LIN9: variants seen among roughly 807,000 people sequenced by gnomAD.
The protein encoded by LIN9 is lin-9 DREAM MuvB core complex component.
A neutral mutation model predicts 78.0 loss-of-function variants in LIN9; 18 were observed. The ratio of observed to expected loss-of-function variants is 0.23; its 90% CI spans 0.16 to 0.34. LIN9 has a LOEUF of 0.34. Among genes scored for constraint, LIN9 ranks in the 10% least tolerant of loss-of-function variants. LIN9 has a pLI of 1.00. For missense variants in LIN9, 451 were observed against 644.1 expected (o/e 0.70, Z 3.25); for synonymous variants, 192 against 215.2 (o/e 0.89, Z 0.94).
chr1:226,279,681 G>T (rs1345155243), intron 6 of LIN9, among the ~76,000 whole-genome samples: 1 of 149,342 alleles, frequency 6.7e-6, no homozygotes, highest in African/African-American at 2.5e-5. Context: ...AGGCTGAGGC[G>T]GGAGGATTGT....
chr1:226,269,910 T>G (rs1169740685), intron 7 of LIN9, among the ~76,000 whole-genome samples: 1 of 152,142 alleles, frequency 6.6e-6, no homozygotes, highest in Non-Finnish European at 1.5e-5. Flanking sequence ...TTCAAATCAT[T>G]AGGTGACCAC....
At chr1:226,283,027 G>A (rs1661165295) in intron 6 of LIN9, among the ~76,000 whole-genome samples, 1 of 152,114 alleles carries the variant, frequency 6.6e-6, no homozygotes, top group African/African-American at 2.4e-5. Flanking sequence ...GGCAATCACA[G>A]CTCACTGCAG....
At chr1:226,244,768 T>A (rs756445847) in intron 11 of LIN9, among the ~76,000 whole-genome samples, 2 of 152,218 alleles carry the variant, frequency 1.3e-5, no homozygotes, top group Non-Finnish European at 2.9e-5. Flanking sequence ...GTGATGAACA[T>A]CCTTGTATGC....
chr1:226,241,057 G>A (rs943728209), intron 11 of LIN9, among the ~76,000 whole-genome samples: 2 of 152,166 alleles, frequency 1.3e-5, no homozygotes, highest in African/African-American at 2.4e-5. Context: ...AGAAAGAGGG[G>A]AGGGAATGCC....
At chr1:226,300,437 G>C (rs1341309508) in intron 2 of LIN9, among the ~76,000 whole-genome samples, 1 of 152,080 alleles carries the variant, frequency 6.6e-6, no homozygotes, top group Non-Finnish European at 1.5e-5. Context: ...TGTGGTCCCA[G>C]CTACATGGGA....
At chr1:226,248,086 C>T (rs923468081) in intron 11 of LIN9, among the ~76,000 whole-genome samples, 3 of 152,158 alleles carry the variant, frequency 2.0e-5, no homozygotes, top group African/African-American at 7.2e-5. Context: ...ACCTAGTCTA[C>T]TCTTACCAAA....
intron 10 of LIN9, among the ~76,000 whole-genome samples, chr1:226,262,219 G>A (rs1659635803): frequency 6.6e-6 from 1 of 152,150 alleles, no homozygotes; most frequent in Admixed American, 6.5e-5. Flanking sequence ...TTGGTTTTGT[G>A]ACAACCAACT....
intron 7 of LIN9, among the ~76,000 whole-genome samples, chr1:226,277,571 T>C (rs1333560535): frequency 2.0e-5 from 3 of 152,164 alleles, no homozygotes; most frequent in Admixed American, 2.0e-4. Context: ...AAGTGATGTG[T>C]ACTACAGAAC....
chr1:226,279,719 G>A (rs1486787032), intron 6 of LIN9, among the ~76,000 whole-genome samples: 1 of 141,102 alleles, frequency 7.1e-6, no homozygotes, highest in Non-Finnish European at 1.5e-5. Context: ...AAGTTGTAGT[G>A]AGCCGAGATT....
At chr1:226,305,663 A>G (rs1662869193) in intron 1 of LIN9, among the ~76,000 whole-genome samples, 1 of 152,036 alleles carries the variant, frequency 6.6e-6, no homozygotes, top group African/African-American at 2.4e-5. Flanking sequence ...ATGTGCAAAG[A>G]CCCTGGAGAA....
Position 226,231,184 on chromosome 1 carries a change from A to G in LIN9, c.*1317T>C, listed in dbSNP as rs1161182808. 5 of 152,622 alleles carry G rather than the reference A, an allele frequency of 3.3e-5. No homozygotes were observed. The highest frequency in any genetic ancestry group is 5.9e-5 in the Non-Finnish European group (4 of 68,030). 9.5% of individuals were successfully genotyped at this position (152,622 alleles called of 1,614,324 possible). On this transcript the variant is annotated 3_prime_UTR_variant, in exon 15 of 15. Transcript: ENST00000681046. ...ATTTTCATAGATCAATTTATTTAGA[A>G]TTACAAATATTAAGAATAGAAGATT...
Position 226,265,623 on chromosome 1 carries a change from AG to A in LIN9, c.947del (p.Pro316LeufsTer3). The part of the protein sequence containing the change: ...PLQSPIIDND[P>X]LLGQSPWRSK... ...TTCTCCACGGCGACTGTCCTAATAAAGGATCATTATCCTATGGGAATAAAAA... is the reference window on the plus strand; with the variant it reads ...TTCTCCACGGCGACTGTCCTAATAAAGATCATTATCCTATGGGAATAAAAA... On this transcript the variant is annotated frameshift_variant, in exon 10 of 15. Coordinates refer to ENST00000681046, the MANE Select transcript of LIN9 (RefSeq NM_001366245.2). LOFTEE classifies it high-confidence loss of function. This position sits in a 1 kb window ranked among gnomAD's most constrained non-coding sequence, Gnocchi z 4.1. 1 of 1,576,976 alleles carries A rather than the reference AG, an allele frequency of 6.3e-7. No homozygotes were observed. Among genetic ancestry groups the A allele is most frequent in the Non-Finnish European group, 8.7e-7 (1 of 1,146,778 alleles).
At chr1:226,251,620 C>T (rs1156697373) in intron 10 of LIN9, among the ~76,000 whole-genome samples, 2 of 152,170 alleles carry the variant, frequency 1.3e-5, no homozygotes, top group Admixed American at 6.5e-5. Context: ...TCTTGGCCTC[C>T]CAAACTGCTG....
rs765078422 is a variant in LIN9 at position 226,239,059 on chromosome 1, C to T, written c.1157G>A (p.Arg386Gln). Residue 386 changes from arginine (R) to glutamine (Q), a missense_variant, in exon 12 of 15, where the codon CGG (arginine) becomes CAG (glutamine). Coordinates refer to ENST00000681046, the MANE Select transcript of LIN9 (RefSeq NM_001366245.2). Reference sequence around the variant, plus strand: ...CTCCAGAACAATTGTTGCATATCTCCGCTGAAATTCAATGCTGATGGGCAT... The same window carrying T: ...CTCCAGAACAATTGTTGCATATCTCTGCTGAAATTCAATGCTGATGGGCAT... ...YSMPISIEFQ[R>Q]RYATIVLELE... 2.2e-5 allele frequency: 35 copies of T among 1,613,480 alleles called. No individual in the cohort carries two copies. The highest frequency in any genetic ancestry group is 5.0e-5 in the Admixed American group (3 of 59,902).
intron 11 of LIN9, among the ~76,000 whole-genome samples, chr1:226,249,441 A>C (rs879071061): frequency 6.6e-6 from 1 of 152,232 alleles, no homozygotes; most frequent in Non-Finnish European, 1.5e-5. Flanking sequence ...TGTACTGCTA[A>C]AGAGAGCAGT....
intron 1 of LIN9, chr1:226,308,837 A>T (rs1281526237): frequency 1.6e-5 from 4 of 248,494 alleles, no homozygotes; most frequent in Admixed American, 5.6e-5. Context: ...GCGCCAGGGG[A>T]GCAGCCACCG....
Position 226,232,490 on chromosome 1 carries a change from G to C in LIN9, c.*11C>G, listed in dbSNP as rs1426763703. 4 of 1,578,456 alleles carry C rather than the reference G, an allele frequency of 2.5e-6. No individual in the cohort carries two copies. Among genetic ancestry groups the C allele is most frequent in the African/African-American group, 1.3e-5 (1 of 74,204 alleles). Reference sequence around the variant, plus strand: ...CAATGTCCCGTGCAGTTGGAATAATGAAATCTTTACTCAGTCTCTGTTGGT... The same window carrying C: ...CAATGTCCCGTGCAGTTGGAATAATCAAATCTTTACTCAGTCTCTGTTGGT... On this transcript the variant is annotated 3_prime_UTR_variant, in exon 15 of 15. Coordinates refer to ENST00000681046, the MANE Select transcript of LIN9 (RefSeq NM_001366245.2).
At chr1:226,252,067 C>T (rs1251794728) in intron 10 of LIN9, among the ~76,000 whole-genome samples, 1 of 152,032 alleles carries the variant, frequency 6.6e-6, no homozygotes, top group Non-Finnish European at 1.5e-5. Flanking sequence ...CCACCCTCAG[C>T]TTCCCAAGTA....
At chr1:226,301,949 G>A (rs1315317310) in intron 1 of LIN9, among the ~76,000 whole-genome samples, 1 of 152,172 alleles carries the variant, frequency 6.6e-6, no homozygotes, top group Non-Finnish European at 1.5e-5. Flanking sequence ...CGTGCCTAAA[G>A]TGTCAGCTAC....
Sources: gnomAD v4.1 joint callset for allele counts (sites outside exome capture counted in the v4.1 genomes callset) on GRCh38, gnomAD v4.1.1 for gene constraint, Gnocchi (gnomAD v3.1) non-coding constraint, MANE v1.5 for transcripts, NCBI Gene and HGNC (gene_info 2026-07-23, HGNC 2026-07-21) for gene names.